Variants in ZNF821 observed in about 807,000 individuals in gnomAD.
ZNF821 encodes the protein zinc finger protein 821.
ZNF821 carries 16 observed loss-of-function variants against 44.3 expected under a neutral mutation model. The observed-to-expected ratio is 0.36, with a 90% confidence interval of 0.24 to 0.55. The LOEUF is 0.55. Ranked by LOEUF, ZNF821 falls within the 20% of genes least tolerant of loss-of-function variation. ZNF821 has a pLI of 0.86. For synonymous variants in ZNF821, 204 were observed against 197.6 expected (o/e 1.03, Z -0.27); for missense variants, 436 against 547.6 (o/e 0.80, Z 2.03).
At chr16:71,877,871 G>A (rs2035993043) in intron 3 of ZNF821, among the ~76,000 whole-genome samples, 1 of 149,970 alleles carries the variant, frequency 6.7e-6, no homozygotes, top group African/African-American at 2.4e-5. Context: ...AGTGAGCTGA[G>A]ATCACGCCAC....
chr16:71,885,041 A>G (rs1157304058), upstream of ZNF821, among the ~76,000 whole-genome samples: 1 of 152,006 alleles, frequency 6.6e-6, no homozygotes, highest in African/African-American at 2.4e-5. Flanking sequence ...TATTTTTAGT[A>G]GACGGGGTTT....
intron 1 of ZNF821, chr16:71,891,450 G>C (rs2036884984): frequency 1.3e-5 from 2 of 152,120 alleles, no homozygotes; most frequent in African/African-American, 4.8e-5. Flanking sequence ...GGCTTGTTGG[G>C]GTACAATTCA....
chr16:71,883,069 C>T (rs1174453777), intron 2 of ZNF821, 142 bp downstream of exon 2: 4 of 455,964 alleles, frequency 8.8e-6, no homozygotes, highest in Non-Finnish European at 1.8e-5. Context: ...TAAGAGTCCT[C>T]GGGAAGGTGC....
intron 1 of ZNF821, chr16:71,894,726 C>A: frequency 4.2e-6 from 2 of 471,910 alleles, no homozygotes; most frequent in South Asian, 3.6e-5. Context: ...TGTAGCGATG[C>A]GGTTTCACTA....
chr16:71,874,485 A>C (rs1225781242), intron 3 of ZNF821, among the ~76,000 whole-genome samples: 2 of 151,940 alleles, frequency 1.3e-5, no homozygotes, highest in African/African-American at 4.8e-5. Flanking sequence ...ACCAAGTCTC[A>C]TTCTGTCGTC....
chr16:71,870,974 G>A (rs12149917), intron 3 of ZNF821, among the ~76,000 whole-genome samples: 29,950 of 152,166 alleles, frequency 0.2, 3,690 homozygotes, highest in Non-Finnish European at 0.28. Context: ...AACATACTAA[G>A]AATAAACATT....
intron 4 of ZNF821, among the ~76,000 whole-genome samples, chr16:71,866,660 C>T (rs551739674): frequency 1.3e-5 from 2 of 152,310 alleles, no homozygotes; most frequent in South Asian, 4.1e-4. Context: ...GTACATCCTT[C>T]AGAATGGAAA....
At chr16:71,872,260 GTTAAACAAATGTAATT>G (rs1363679838) in intron 3 of ZNF821, among the ~76,000 whole-genome samples, 2 of 151,800 alleles carry the variant, frequency 1.3e-5, no homozygotes, top group African/African-American at 4.8e-5. Context: ...CCTTGGTGCA[GTTAAACAAATGTAATT>G]TCAAGCTGAC....
intron 3 of ZNF821, among the ~76,000 whole-genome samples, chr16:71,872,240 T>C (rs1567423544): frequency 6.6e-6 from 1 of 152,172 alleles, no homozygotes; most frequent in Non-Finnish European, 1.5e-5. Context: ...TTTACAGTTC[T>C]CTCTTGGGTC....
At position 71,859,936 on chromosome 16, in the gene ZNF821, GGCA is replaced by G. The variant is rs1225206347; in HGVS notation, c.*79_*81del. The G allele has an allele frequency of 7.1e-7, 1 of 1,411,728 alleles. No homozygotes were observed. Among genetic ancestry groups the G allele is most frequent in the South Asian group, 1.5e-5 (1 of 68,082 alleles). 87.5% of individuals were successfully genotyped at this position (1,411,728 alleles called of 1,614,324 possible). A position where few individuals can be genotyped will look rare whatever the true frequency, so the allele number is the denominator to read the frequency against. On this transcript the variant is annotated 3_prime_UTR_variant, in exon 8 of 8. Transcript: ENST00000425432. ...GCAGCAAGGACAGGGCCTCGTGGGT[GGCA>G]GCAGCACTGGTCCTCGTGGCTGTGG... is the stretch of plus-strand genomic sequence containing the variant.
chr16:71,891,798 AGGG>A (rs2036887052), intron 1 of ZNF821, among the ~76,000 whole-genome samples: 1 of 152,010 alleles, frequency 6.6e-6, no homozygotes, highest in African/African-American at 2.4e-5. Context: ...TCATGAGGTC[AGGG>A]GTTTGAGACT....
At chr16:71,870,795 T>C (rs1380978175) in intron 3 of ZNF821, among the ~76,000 whole-genome samples, 5 of 152,184 alleles carry the variant, frequency 3.3e-5, no homozygotes, top group African/African-American at 1.2e-4. Context: ...CCAACTGTAA[T>C]AGTTATTGAA....
In ZNF821 at chr16:71,867,902, C is replaced by T; in HGVS notation, c.166+10G>A. Reference sequence around the variant, plus strand: ...TGCCCTGAGTCATTACCAGAAGGTGCAGAACTCACTGCTACTGGAGTCCTG... The same window carrying T: ...TGCCCTGAGTCATTACCAGAAGGTGTAGAACTCACTGCTACTGGAGTCCTG... On this transcript the variant is annotated intron_variant, in intron 4 of 7. Transcript: ENST00000425432. 3 of 1,535,578 alleles carry T rather than the reference C, an allele frequency of 2.0e-6. No homozygotes were observed. The highest frequency in any genetic ancestry group is 2.6e-6 in the Non-Finnish European group (3 of 1,146,644).
Position 71,864,182 on chromosome 16 carries a change from G to A in ZNF821, c.373C>T (p.Leu125=), listed in dbSNP as rs1228470212. ...AACTGCTCCCGGCTCCCGCAGTCTA[G>A]CTGGCAGAGGGGACACTGGCAGAGT... ...LELCQCPLCQ[L]DCGSREQLIA... is the part of the protein sequence containing the mutation. The change falls in exon 6 of 8, where the codon CTA becomes TTA. Residue 125 remains leucine, a synonymous_variant. Coordinates refer to ENST00000425432, the MANE Select transcript of ZNF821 (RefSeq NM_001201552.2). 2 of 1,614,234 alleles carry A rather than the reference G, an allele frequency of 1.2e-6. No homozygotes were observed. The highest frequency in any genetic ancestry group is 3.3e-5 in the Admixed American group (2 of 60,022).
chr16:71,874,049 C>T (rs2035531869), intron 3 of ZNF821, among the ~76,000 whole-genome samples: 1 of 150,672 alleles, frequency 6.6e-6, no homozygotes, highest in Admixed American at 6.7e-5. Context: ...ACCTCCATCT[C>T]CCAGGTCAGA....
intron 3 of ZNF821, among the ~76,000 whole-genome samples, chr16:71,868,564 T>C (rs1403626343): frequency 1.3e-5 from 2 of 152,238 alleles, no homozygotes; most frequent in African/African-American, 4.8e-5. Flanking sequence ...AAACGTACCC[T>C]GGAAGTTCTT....
At chr16:71,871,588 C>A (rs534659104) in intron 3 of ZNF821, among the ~76,000 whole-genome samples, 1 of 152,204 alleles carries the variant, frequency 6.6e-6, no homozygotes, top group East Asian at 1.9e-4. Context: ...TACAGAACTG[C>A]CTATTTTTAT....
At chr16:71,873,150 T>C (rs566415016) in intron 3 of ZNF821, among the ~76,000 whole-genome samples, 22 of 152,258 alleles carry the variant, frequency 1.4e-4, no homozygotes, top group Admixed American at 3.9e-4. Context: ...GGCATAACCC[T>C]GTCTCTACTA....
At position 71,894,858 on chromosome 16, in the gene ZNF821, G is replaced by A. The variant is rs77249046; in HGVS notation, n.448+31C>T. 1,126 of 1,531,774 alleles carry A rather than the reference G, an allele frequency of 7.4e-4. 8 individuals are homozygous for A. The Admixed American group carries it at 0.014, about 19-fold the overall frequency. 94.9% of individuals were successfully genotyped at this position (1,531,774 alleles called of 1,614,324 possible). A position where few individuals can be genotyped will look rare whatever the true frequency, so the allele number is the denominator to read the frequency against. On this transcript the variant is annotated intron_variant and non_coding_transcript_variant, in intron 1 of 2. Coordinates refer to the ZNF821 transcript ENST00000561700. ...TAATGGTTTTCAAGTTAAAAACAAA[G>A]GTAACCAAGGAAAAAGTTTTCTCTG...
Sources: gnomAD v4.1 joint callset for allele counts (sites outside exome capture counted in the v4.1 genomes callset) on GRCh38, gnomAD v4.1.1 for gene constraint, MANE v1.5 for transcripts, NCBI Gene and HGNC (gene_info 2026-07-23, HGNC 2026-07-21) for gene names.